The following BHMT variants were observed in gnomAD, a reference collection of about 807,000 sequenced individuals.
The protein encoded by BHMT is betaine--homocysteine S-methyltransferase.
BHMT carries 38 observed loss-of-function variants against 49.5 expected under a neutral mutation model. The ratio of observed to expected loss-of-function variants is 0.77; its 90% confidence interval spans 0.59 to 1.01. The LOEUF (loss-of-function observed/expected upper bound fraction) is 1.01. BHMT is among the 50% of genes least tolerant of loss of function. BHMT has a pLI of 0.00. For synonymous variants in BHMT, 166 were observed against 176.3 expected (o/e 0.94, Z 0.46); for missense variants, 426 against 495.7 (o/e 0.86, Z 1.34).
chr5:79,129,531 T>C (rs905793353), intron 7 of BHMT, among the ~76,000 whole-genome samples: 1 of 152,154 alleles, frequency 6.6e-6, no homozygotes, highest in African/African-American at 2.4e-5. Context: ...TCAGGAGTTA[T>C]GTAGGACCCC....
At chr5:79,128,259 G>A (rs1245682702) in intron 7 of BHMT, 19 of 338,980 alleles carry the variant, frequency 5.6e-5, no homozygotes, top group African/African-American at 1.9e-4. Context: ...GGTGGCTCGC[G>A]CCTGTAATCC....
Position 79,131,094 on chromosome 5 carries a change from A to C in BHMT, c.1199A>C (p.Lys400Thr). 1 of 1,613,058 alleles carries C rather than the reference A, an allele frequency of 6.2e-7. No individual in the cohort carries two copies. The highest frequency in any genetic ancestry group is 8.5e-7 in the Non-Finnish European group (1 of 1,179,644). ...TEQQLKELFE[K>T]QKFKSQ ...CAGCAGCTGAAAGAGCTCTTTGAAA[A>C]ACAAAAATTCAAATCACAGTAGCCT... The change falls in exon 8 of 8, where the codon AAA becomes ACA. Residue 400 changes from lysine (K) to threonine (T), a missense_variant. Coordinates refer to ENST00000274353, the MANE Select transcript of BHMT (RefSeq NM_001713.3).
intron 1 of BHMT, among the ~76,000 whole-genome samples, chr5:79,115,349 C>A (rs1254508963): frequency 6.7e-6 from 1 of 148,536 alleles, no homozygotes; most frequent in African/African-American, 2.4e-5. Flanking sequence ...ACTTCTTTAA[C>A]AATTTTTTAA....
intron 5 of BHMT, 109 bp from the exon 6 acceptor site, chr5:79,125,937 T>C: frequency 1.8e-6 from 2 of 1,129,666 alleles, no homozygotes; most frequent in South Asian, 1.6e-5. Flanking sequence ...AGTGAGATTG[T>C]GTCTCAAAAA....
chr5:79,111,885 G>A lies in BHMT; in HGVS notation c.-1G>A. The A allele has an allele frequency of 6.2e-7, 1 of 1,612,310 alleles. No homozygotes were observed. The highest frequency in any genetic ancestry group is 8.5e-7 in the Non-Finnish European group (1 of 1,179,144). ...CGACCACCTGTCTGGACACCACGAAGATGCCACCCGTTGGGGGCAAAAAGG... is the reference window on the plus strand; with the variant it reads ...CGACCACCTGTCTGGACACCACGAAAATGCCACCCGTTGGGGGCAAAAAGG... On this transcript the variant is annotated 5_prime_UTR_variant, in exon 1 of 8. Coordinates refer to ENST00000274353, the MANE Select transcript of BHMT (RefSeq NM_001713.3).
At chr5:79,127,643 T>C (rs527447164) in intron 6 of BHMT, 112 bp from the exon 7 acceptor site, 23 of 1,363,002 alleles carry the variant, frequency 1.7e-5, no homozygotes, top group Admixed American at 1.4e-4. Context: ...AATGTAAAAA[T>C]TGAATATTGA....
At chr5:79,121,740 G>A (rs1372671921) in intron 5 of BHMT, among the ~76,000 whole-genome samples, 2 of 150,688 alleles carry the variant, frequency 1.3e-5, no homozygotes, top group African/African-American at 4.9e-5. Context: ...GCGTGAACCC[G>A]GGAGGCGGAG....
intron 2 of BHMT, 200 bp downstream of exon 2, chr5:79,116,099 T>C (rs897924814): frequency 1.7e-5 from 8 of 474,796 alleles, no homozygotes; most frequent in Non-Finnish European, 2.7e-5. Flanking sequence ...ACTCCTGTAG[T>C]CCCAGCTACT....
Position 79,132,050 on chromosome 5 carries a change from A to G in BHMT, c.*934A>G. On this transcript the variant is annotated 3_prime_UTR_variant, in exon 8 of 8. Coordinates refer to ENST00000274353, the MANE Select transcript of BHMT (RefSeq NM_001713.3). ...AAAATATAATAAGAAAAAAGTAGAG[A>G]TTCTCCAAACTCTAGCCTGGTTTCC... The G allele has an allele frequency of 6.6e-6, 1 of 152,148 alleles. No homozygotes were observed. The highest frequency in any genetic ancestry group is 3.2e-3 in the Middle Eastern group (1 of 316). The allele number at this position is 152,148 out of a possible 1,614,324, so 9.4% of individuals were successfully genotyped here.
chr5:79,116,891 A>T (rs1216869418), intron 2 of BHMT, among the ~76,000 whole-genome samples: 1 of 152,204 alleles, frequency 6.6e-6, no homozygotes, highest in Non-Finnish European at 1.5e-5. Flanking sequence ...GTCAGGAAAA[A>T]GTAGGTGAAA....
At position 79,128,528 on chromosome 5, in the gene BHMT, T is replaced by TAAAAA. The variant is rs376054592; in HGVS notation, c.1037+545_1037+546insAAAAA. ...TTGGGCAACAGAGTGAGACCCTGTT[T>TAAAAA]TAAAAAAAAAAAAAAAAAAGAATAT... is the stretch of plus-strand genomic sequence containing the variant. On this transcript the variant is annotated intron_variant, in intron 7 of 7. Coordinates refer to ENST00000274353, the MANE Select transcript of BHMT (RefSeq NM_001713.3). Among the ~76,000 whole-genome samples the TAAAAA allele has an allele frequency of 1.6e-3, 208 of 132,924 alleles. 9 individuals are homozygous for TAAAAA. Among genetic ancestry groups the TAAAAA allele is most frequent in the East Asian group, 0.014 (63 of 4,430 alleles). 87.2% of individuals were successfully genotyped at this position (132,924 alleles called of 152,430 possible). A position where few individuals can be genotyped will look rare whatever the true frequency, so the allele number is the denominator to read the frequency against.
At chr5:79,126,273 A>G in intron 6 of BHMT, 45 bp downstream of exon 6, 1 of 1,594,150 alleles carries the variant, frequency 6.3e-7, no homozygotes, top group South Asian at 1.1e-5. Context: ...TTCATTTGAT[A>G]TGCATATAAA....
At chr5:79,121,445 T>C (rs1756471297) in intron 5 of BHMT, 80 bp downstream of exon 5, 2 of 1,494,144 alleles carry the variant, frequency 1.3e-6, no homozygotes, top group South Asian at 1.3e-5. Context: ...CAAATCAGTG[T>C]ATACTACTTT....
chr5:79,121,128 G>A (rs1756462138), intron 4 of BHMT, 90 bp from the exon 5 acceptor site: 2 of 1,508,008 alleles, frequency 1.3e-6, no homozygotes, highest in African/African-American at 2.8e-5. Context: ...TCCAGCCTGG[G>A]TGAAAGAGCA....
chr5:79,122,163 G>A (rs952583005), intron 5 of BHMT, among the ~76,000 whole-genome samples: 1 of 151,982 alleles, frequency 6.6e-6, no homozygotes, highest in Non-Finnish European at 1.5e-5. Context: ...GGCTGGTCTC[G>A]AACTCCTGAC....
At chr5:79,113,238 G>A (rs997225016) in intron 1 of BHMT, among the ~76,000 whole-genome samples, 5 of 152,174 alleles carry the variant, frequency 3.3e-5, no homozygotes, top group Non-Finnish European at 7.3e-5. Context: ...TGAGAATTTC[G>A]CCAGTCCCTA....
chr5:79,124,668 A>AAAATGAAATATCT (rs1301627963), intron 5 of BHMT, among the ~76,000 whole-genome samples: 1 of 152,242 alleles, frequency 6.6e-6, no homozygotes, highest in Non-Finnish European at 1.5e-5. Flanking sequence ...GTTTTTGAAG[A>AAAATGAAATATCT]AAATGAAATA....
At chr5:79,114,700 TA>T (rs1276857742) in intron 1 of BHMT, among the ~76,000 whole-genome samples, 1 of 152,140 alleles carries the variant, frequency 6.6e-6, no homozygotes, top group Admixed American at 6.5e-5. Context: ...TATTTAAGCA[TA>T]AAAGAGTCAG....
At chr5:79,120,631 G>A in intron 4 of BHMT, 90 bp downstream of exon 4, 2 of 1,217,488 alleles carry the variant, frequency 1.6e-6, no homozygotes, top group Non-Finnish European at 2.2e-6. Context: ...GGGGTTAGGT[G>A]ACAATCATAA....
Sources: gnomAD v4.1 joint callset for allele counts (sites outside exome capture counted in the v4.1 genomes callset) on GRCh38, gnomAD v4.1.1 for gene constraint, MANE v1.5 for transcripts, NCBI Gene and HGNC (gene_info 2026-07-23, HGNC 2026-07-21) for gene names.